COL28A1: variants seen among roughly 807,000 people sequenced by gnomAD.
COL28A1 encodes the protein collagen type XXVIII alpha 1 chain, also known as collagen alpha-1(XXVIII) chain.
In COL28A1, 161 loss-of-function variants were observed where a neutral mutation model predicts 150.2. The observed-to-expected ratio is 1.07, with a 90% CI of 0.94 to 1.22. The LOEUF (loss-of-function observed/expected upper bound fraction) is 1.22, where lower values mean the gene tolerates loss of function less well. COL28A1 is among the 50% of genes most tolerant of loss of function. COL28A1 has a pLI of 0.00. For missense variants in COL28A1, 1,617 were observed against 1,388.3 expected (o/e 1.16, Z -2.62); for synonymous variants, 552 against 469.7 (o/e 1.18, Z -2.26).
chr7:7,487,420 C>G (rs1053054627), intron 13 of COL28A1, among the ~76,000 whole-genome samples: 3 of 151,866 alleles, frequency 2.0e-5, no homozygotes, highest in African/African-American at 7.3e-5. Flanking sequence ...TCTACAAAAA[C>G]TACAAAAATT....
chr7:7,517,229 A>G (rs1462577883), intron 7 of COL28A1, among the ~76,000 whole-genome samples: 1 of 152,058 alleles, frequency 6.6e-6, no homozygotes, highest in East Asian at 1.9e-4. Context: ...ACAAGCAGAG[A>G]GGGGCAATGT....
At chr7:7,388,613 A>G (rs1212488919) in intron 27 of COL28A1, among the ~76,000 whole-genome samples, 1 of 92,074 alleles carries the variant, frequency 1.1e-5, no homozygotes, top group Admixed American at 1.2e-4. Context: ...ACTAATTTAC[A>G]CTCCCACCAA....
At chr7:7,486,271 A>C (rs2128365198) in intron 13 of COL28A1, among the ~76,000 whole-genome samples, 1 of 152,282 alleles carries the variant, frequency 6.6e-6, no homozygotes, top group Non-Finnish European at 1.5e-5. Flanking sequence ...GAAATTAAAT[A>C]GATTTTGTAT....
At chr7:7,474,903 T>C (rs1788741502) in intron 14 of COL28A1, among the ~76,000 whole-genome samples, 1 of 152,168 alleles carries the variant, frequency 6.6e-6, no homozygotes, top group African/African-American at 2.4e-5. Flanking sequence ...AACACATATG[T>C]AGCATCCCTG....
At chr7:7,398,143 T>C (rs921965430) in intron 27 of COL28A1, among the ~76,000 whole-genome samples, 1 of 152,198 alleles carries the variant, frequency 6.6e-6, no homozygotes, top group Non-Finnish European at 1.5e-5. Context: ...ACATGCCATC[T>C]GATAGCAAAG....
At chr7:7,412,979 C>A (rs1783870190) in intron 27 of COL28A1, among the ~76,000 whole-genome samples, 1 of 152,102 alleles carries the variant, frequency 6.6e-6, no homozygotes, top group South Asian at 2.1e-4. Context: ...CCCTCATTCT[C>A]TTTCCCTTAC....
In COL28A1 at chr7:7,452,381, C is replaced by T. The variant is rs1786770590; in HGVS notation, c.1447G>A (p.Val483Ile). The T allele has an allele frequency of 6.3e-7, 1 of 1,596,558 alleles. No individual in the cohort carries two copies. Among genetic ancestry groups the T allele is most frequent in the Non-Finnish European group, 8.5e-7 (1 of 1,176,010 alleles). ...GGGCCTGTAGGTCCCATTTGGCCTA[C>T]TTCTCCCTAGTAAGAAAAGAGTTTA... ...GQGLPGSKGE[V>I]GQMGPTGPRG... Residue 483 changes from valine to isoleucine, a missense_variant, in exon 18 of 35, where the codon GTA becomes ATA. Transcript: ENST00000399429.
At chr7:7,534,267 A>T (rs1253610137) in intron 1 of COL28A1, among the ~76,000 whole-genome samples, 2 of 152,190 alleles carry the variant, frequency 1.3e-5, no homozygotes, top group African/African-American at 4.8e-5. Context: ...GACAAGGTAT[A>T]CTAAAATGTA....
chr7:7,358,483 T>A lies in COL28A1; in HGVS notation c.*150A>T, dbSNP rs1780447803. 2.9e-6 allele frequency: 2 copies of A among 691,712 alleles called. No individual in the cohort carries two copies. Among genetic ancestry groups the A allele is most frequent in the Non-Finnish European group, 4.7e-6 (2 of 425,706 alleles). 42.8% of individuals were successfully genotyped at this position (691,712 alleles called of 1,614,324 possible). On this transcript the variant is annotated 3_prime_UTR_variant, in exon 35 of 35. Transcript: ENST00000399429. ...ACCTATATAAGTGGTTAATAATATG[T>A]ACATCCTAGGGCTGTAGTGAGAATT... is the stretch of plus-strand genomic sequence containing the variant.
chr7:7,446,003 C>T (rs1786234292), intron 18 of COL28A1, among the ~76,000 whole-genome samples: 1 of 151,906 alleles, frequency 6.6e-6, no homozygotes, highest in Non-Finnish European at 1.5e-5. Context: ...GGATTACAGG[C>T]ATGTGCCACC....
At chr7:7,507,043 G>C in intron 10 of COL28A1, 74 bp downstream of exon 10, 3 of 782,114 alleles carry the variant, frequency 3.8e-6, no homozygotes, top group Non-Finnish European at 6.7e-6. Flanking sequence ...GAGGGTGCAA[G>C]TGGGCAAGGG....
At chr7:7,476,063 G>A (rs1788848353) in intron 14 of COL28A1, among the ~76,000 whole-genome samples, 1 of 152,152 alleles carries the variant, frequency 6.6e-6, no homozygotes, top group Non-Finnish European at 1.5e-5. Flanking sequence ...GGAAGAAGCT[G>A]AGAATGAAAT....
At chr7:7,543,735 A>C in the COL28A1 span, among the ~76,000 whole-genome samples, 1 of 151,894 alleles carries the variant, frequency 6.6e-6, no homozygotes, top group African/African-American at 2.4e-5. Context: ...AGTATTTATT[A>C]CTATTGTTTT....
chr7:7,409,569 C>T (rs1021892800), intron 27 of COL28A1, among the ~76,000 whole-genome samples: 6 of 152,122 alleles, frequency 3.9e-5, no homozygotes, highest in African/African-American at 1.4e-4. Context: ...AAATCTTTCA[C>T]ATGATTTTCT....
At chr7:7,388,453 C>T (rs1782332073) in intron 27 of COL28A1, among the ~76,000 whole-genome samples, 1 of 152,038 alleles carries the variant, frequency 6.6e-6, no homozygotes, top group Non-Finnish European at 1.5e-5. Flanking sequence ...CTATTGTGAA[C>T]AGCGCCGCGA....
At chr7:7,446,410 C>T (rs912637989) in intron 18 of COL28A1, among the ~76,000 whole-genome samples, 1 of 151,788 alleles carries the variant, frequency 6.6e-6, no homozygotes, top group African/African-American at 2.4e-5. Flanking sequence ...AATGAACAAG[C>T]TAGATAAACC....
intron 14 of COL28A1, among the ~76,000 whole-genome samples, chr7:7,475,915 GTTCA>G (rs1441296895): frequency 6.6e-6 from 1 of 152,114 alleles, no homozygotes; most frequent in South Asian, 2.1e-4. Context: ...ATTAAAATGT[GTTCA>G]TTAACAAGGG....
intron 27 of COL28A1, among the ~76,000 whole-genome samples, chr7:7,388,763 T>C (rs1485548105): frequency 2.0e-5 from 3 of 152,362 alleles, no homozygotes; most frequent in East Asian, 3.9e-4. Flanking sequence ...ACAGTGATGA[T>C]GAGCTTTTTT....
chr7:7,542,563 T>TA, the COL28A1 span, among the ~76,000 whole-genome samples: 1 of 152,124 alleles, frequency 6.6e-6, no homozygotes, highest in Non-Finnish European at 1.5e-5. Context: ...TAAAAGAGAC[T>TA]TACACAGAGG....
Sources: allele counts gnomAD v4.1 joint callset (sites outside exome capture counted in the v4.1 genomes callset), GRCh38; gene constraint gnomAD v4.1.1; transcripts MANE v1.5; gene names NCBI Gene and HGNC (gene_info 2026-07-23, HGNC 2026-07-21).